LYN: variants seen among roughly 807,000 people sequenced by gnomAD.
LYN encodes the protein LYN proto-oncogene, Src family tyrosine kinase.
In LYN, 12 loss-of-function variants were observed where a neutral mutation model predicts 65.0. The observed-to-expected ratio is 0.18, with a 90% CI of 0.12 to 0.30. The LOEUF (loss-of-function observed/expected upper bound fraction) is 0.30, where lower values mean the gene tolerates loss of function less well. Ranked by LOEUF, LYN falls within the 10% of genes least tolerant of loss-of-function variation. The pLI is 1.00. For synonymous variants in LYN, 222 were observed against 221.2 expected (o/e 1.00, Z -0.03); for missense variants, 380 against 623.2 (o/e 0.61, Z 4.16).
intron 10 of LYN, among the ~76,000 whole-genome samples, chr8:55,994,974 A>C (rs1396722372): frequency 2.0e-5 from 3 of 152,220 alleles, no homozygotes; most frequent in Admixed American, 2.0e-4. Flanking sequence ...ACACATGCTC[A>C]GCCTGATCTT....
At chr8:55,968,873 G>A (rs748628709) in intron 9 of LYN, among the ~76,000 whole-genome samples, 1 of 152,202 alleles carries the variant, frequency 6.6e-6, no homozygotes, top group African/African-American at 2.4e-5. Context: ...AGTTCTAGGG[G>A]AAAAACAGGT....
chr8:55,935,858 G>T (rs969959496), intron 1 of LYN, among the ~76,000 whole-genome samples: 8 of 151,776 alleles, frequency 5.3e-5, no homozygotes, highest in African/African-American at 1.7e-4. Context: ...TAATGGAGTT[G>T]GTGGTGGAGC....
chr8:55,885,769 T>C (rs1266102058), intron 1 of LYN, among the ~76,000 whole-genome samples: 2 of 152,160 alleles, frequency 1.3e-5, no homozygotes, highest in African/African-American at 2.4e-5. Flanking sequence ...AGAGCAGAAC[T>C]GTAGCCCGAT....
intron 1 of LYN, among the ~76,000 whole-genome samples, chr8:55,888,683 C>T (rs1410471661): frequency 6.6e-6 from 1 of 152,096 alleles, no homozygotes; most frequent in Non-Finnish European, 1.5e-5. Flanking sequence ...TTGACACCTC[C>T]CCTAAGTGAC....
chr8:55,949,416 A>G (rs1806874392), intron 4 of LYN, among the ~76,000 whole-genome samples: 1 of 152,194 alleles, frequency 6.6e-6, no homozygotes, highest in African/African-American at 2.4e-5. Flanking sequence ...ACATATTTTA[A>G]TTCCATCACG....
At chr8:55,937,982 C>A (rs989401235) in intron 1 of LYN, among the ~76,000 whole-genome samples, 1 of 152,104 alleles carries the variant, frequency 6.6e-6, no homozygotes, top group Admixed American at 6.5e-5. Flanking sequence ...CACTTGTGAG[C>A]CACCACACCT....
At chr8:55,955,875 A>G (rs910928632) in intron 8 of LYN, among the ~76,000 whole-genome samples, 1 of 152,220 alleles carries the variant, frequency 6.6e-6, no homozygotes, top group African/African-American at 2.4e-5. Flanking sequence ...TGGCTGAGTA[A>G]TATTCCATTG....
At chr8:55,948,089 T>G (rs1371253224) in intron 4 of LYN, among the ~76,000 whole-genome samples, 1 of 152,114 alleles carries the variant, frequency 6.6e-6, no homozygotes, top group African/African-American at 2.4e-5. Context: ...TCCTCTCACC[T>G]CAGCCTCCTG....
In LYN at chr8:55,880,046, C is replaced by G. The variant is rs922046761; in HGVS notation, c.-63C>G. 1.4e-4 allele frequency: 45 copies of G among 312,462 alleles called. No individual in the cohort carries two copies. Among genetic ancestry groups the G allele is most frequent in the African/African-American group, 9.6e-4 (42 of 43,798 alleles). 19.4% of individuals were successfully genotyped at this position (312,462 alleles called of 1,614,324 possible). On this transcript the variant is annotated 5_prime_UTR_variant, in exon 1 of 13. Coordinates refer to ENST00000519728, the MANE Select transcript of LYN (RefSeq NM_002350.4). ...TGCTGGGCCGCCCCGTCGCGCCCCC[C>G]ACTCTGAACTCAAGTCACCGTGGAG...
At chr8:55,987,513 C>T (rs1420707024) in intron 10 of LYN, among the ~76,000 whole-genome samples, 2 of 152,134 alleles carry the variant, frequency 1.3e-5, no homozygotes, top group Non-Finnish European at 1.5e-5. Flanking sequence ...TTGCAACCTC[C>T]GCTTCCTGGG....
chr8:55,990,335 A>T (rs1808214158), intron 10 of LYN, among the ~76,000 whole-genome samples: 1 of 151,610 alleles, frequency 6.6e-6, no homozygotes, highest in South Asian at 2.1e-4. Flanking sequence ...GTTAAGGTAT[A>T]GGAAGTGGTG....
chr8:55,948,070 C>T (rs978463386), intron 4 of LYN, among the ~76,000 whole-genome samples: 2 of 152,110 alleles, frequency 1.3e-5, no homozygotes, highest in Non-Finnish European at 2.9e-5. Context: ...AACTCCTAGG[C>T]TAAAGCAATC....
chr8:55,999,915 G>A (rs1388514535), intron 12 of LYN, among the ~76,000 whole-genome samples: 2 of 151,274 alleles, frequency 1.3e-5, no homozygotes, highest in African/African-American at 2.4e-5. Context: ...AGGTTGCAGT[G>A]AGCTGAGATC....
intron 1 of LYN, among the ~76,000 whole-genome samples, chr8:55,927,014 T>C (rs1164925694): frequency 6.6e-6 from 1 of 152,346 alleles, no homozygotes; most frequent in African/African-American, 2.4e-5. Flanking sequence ...ACCAGCTTAT[T>C]ATTAACATAT....
intron 1 of LYN, among the ~76,000 whole-genome samples, chr8:55,898,624 T>A (rs1470181818): frequency 6.6e-6 from 1 of 152,204 alleles, no homozygotes; most frequent in East Asian, 1.9e-4. Flanking sequence ...ATTCACATAT[T>A]GTATAATTCA....
At chr8:55,885,936 G>A (rs1355673700) in intron 1 of LYN, among the ~76,000 whole-genome samples, 4 of 151,126 alleles carry the variant, frequency 2.6e-5, no homozygotes, top group African/African-American at 4.9e-5. Flanking sequence ...CTGCATTTTC[G>A]GTTTGCCCTT....
At chr8:55,882,309 A>C (rs1405453926) in intron 1 of LYN, among the ~76,000 whole-genome samples, 1 of 152,218 alleles carries the variant, frequency 6.6e-6, no homozygotes, top group East Asian at 1.9e-4. Flanking sequence ...TTTTAGCAGA[A>C]AAGTGGTCCA....
At chr8:55,991,602 C>T (rs1445950129) in intron 10 of LYN, among the ~76,000 whole-genome samples, 2 of 152,070 alleles carry the variant, frequency 1.3e-5, no homozygotes, top group East Asian at 1.9e-4. Context: ...GAACCCCCCA[C>T]CCCCAGGATT....
chr8:55,885,475 G>A (rs930137935), intron 1 of LYN, among the ~76,000 whole-genome samples: 2 of 152,156 alleles, frequency 1.3e-5, no homozygotes, highest in Admixed American at 6.5e-5. Context: ...TCCAGTCCCC[G>A]CTTTCCTCCC....
Sources: gnomAD v4.1 joint callset for allele counts (sites outside exome capture counted in the v4.1 genomes callset) on GRCh38, gnomAD v4.1.1 for gene constraint, MANE v1.5 for transcripts, NCBI Gene and HGNC (gene_info 2026-07-23, HGNC 2026-07-21) for gene names.